The following FBXW8 variants were observed in gnomAD, a reference collection of about 807,000 sequenced individuals.
FBXW8 encodes the protein F-box and WD repeat domain containing 8, also known as F-box/WD repeat-containing protein 8.
Under a neutral mutation model 65.3 loss-of-function variants are expected in FBXW8, and 57 were observed. The observed-to-expected ratio is 0.87, with a 90% CI of 0.71 to 1.09. The LOEUF is 1.09. Ranked by LOEUF, FBXW8 falls within the 50% of genes least tolerant of loss-of-function variation. The pLI, the probability that FBXW8 is intolerant of heterozygous loss-of-function variation, is 0.00. For missense variants in FBXW8, 777 were observed against 814.8 expected, an observed-to-expected ratio of 0.95 and a Z score of 0.57; for synonymous variants, 308 against 330.2, an observed-to-expected ratio of 0.93 and a Z score of 0.73.
chr12:116,926,998 G>T (rs1881378036), intron 1 of FBXW8, among the ~76,000 whole-genome samples: 1 of 152,026 alleles, frequency 6.6e-6, no homozygotes, highest in Admixed American at 6.6e-5. Flanking sequence ...GTATTTGAGT[G>T]GTGAATTAAC....
chr12:117,012,235 T>C (rs915886153), intron 8 of FBXW8, among the ~76,000 whole-genome samples: 5 of 152,314 alleles, frequency 3.3e-5, no homozygotes, highest in Admixed American at 3.3e-4. Flanking sequence ...TCTGGTCAGT[T>C]TGCAGTCCAA....
chr12:116,914,145 C>T (rs1308403277), intron 1 of FBXW8, among the ~76,000 whole-genome samples: 1 of 152,094 alleles, frequency 6.6e-6, no homozygotes, highest in Non-Finnish European at 1.5e-5. Context: ...TGGTGGTGCA[C>T]CCCTTTAGTT....
chr12:117,003,746 C>G (rs2135700896), intron 7 of FBXW8, among the ~76,000 whole-genome samples: 1 of 152,252 alleles, frequency 6.6e-6, no homozygotes, highest in Non-Finnish European at 1.5e-5. Context: ...TTTTGCTCAG[C>G]CTTTGAGGAT....
At chr12:117,025,821 G>A (rs1241323289) in intron 9 of FBXW8, among the ~76,000 whole-genome samples, 1 of 152,184 alleles carries the variant, frequency 6.6e-6, no homozygotes, top group Non-Finnish European at 1.5e-5. Flanking sequence ...CCTCAGGGAT[G>A]GCTGCCAGCC....
intron 5 of FBXW8, among the ~76,000 whole-genome samples, chr12:116,982,014 A>C (rs932113931): frequency 6.6e-5 from 10 of 152,222 alleles, no homozygotes; most frequent in Admixed American, 1.3e-4. Flanking sequence ...AAAATAACAA[A>C]GAGTTTTGGC....
intron 8 of FBXW8, among the ~76,000 whole-genome samples, chr12:117,011,774 A>G (rs1184321082): frequency 6.6e-6 from 1 of 152,178 alleles, no homozygotes; most frequent in East Asian, 1.9e-4. Context: ...CAGTGTGAAC[A>G]TTTATATCTT....
chr12:116,966,732 TGAGACAG>T (rs1884350416), intron 5 of FBXW8, among the ~76,000 whole-genome samples: 1 of 152,102 alleles, frequency 6.6e-6, no homozygotes. Context: ...TTTTTTTTTT[TGAGACAG>T]GGTTTTGCTG....
chr12:116,916,460 T>C (rs1248118361), intron 1 of FBXW8, among the ~76,000 whole-genome samples: 1 of 152,234 alleles, frequency 6.6e-6, no homozygotes, highest in African/African-American at 2.4e-5. Flanking sequence ...ATGCCATGGC[T>C]GGGGTCAGGG....
intron 5 of FBXW8, among the ~76,000 whole-genome samples, chr12:116,968,725 GT>G (rs1884474536): frequency 6.6e-6 from 1 of 152,094 alleles, no homozygotes; most frequent in Admixed American, 6.5e-5. Flanking sequence ...AACAAAGTAT[GT>G]TTCCAGCTTT....
chr12:116,948,572 A>G (rs1373580622), intron 3 of FBXW8, among the ~76,000 whole-genome samples: 1 of 152,218 alleles, frequency 6.6e-6, no homozygotes, highest in Non-Finnish European at 1.5e-5. Flanking sequence ...CACTTGCTGT[A>G]TGTTAAGAAC....
chr12:117,027,985 G>T (rs756299709), intron 10 of FBXW8, 43 bp from the exon 11 acceptor site: 2 of 1,610,628 alleles, frequency 1.2e-6, no homozygotes, highest in South Asian at 2.2e-5. Flanking sequence ...GTGAGGGCCA[G>T]CGAGGCAGCC....
intron 8 of FBXW8, among the ~76,000 whole-genome samples, chr12:117,011,926 T>G (rs985948788): frequency 2.6e-5 from 4 of 152,242 alleles, no homozygotes; most frequent in African/African-American, 9.7e-5. Context: ...AGCCAAGTAC[T>G]ATGTTGAATC....
chr12:116,912,245 T>C (rs1880017306), intron 1 of FBXW8, among the ~76,000 whole-genome samples: 1 of 150,760 alleles, frequency 6.6e-6, no homozygotes, highest in South Asian at 2.1e-4. Context: ...TAGAGTGTAC[T>C]GTTGCTCTCC....
intron 4 of FBXW8, among the ~76,000 whole-genome samples, chr12:116,955,186 C>T (rs966898157): frequency 1.3e-5 from 2 of 152,180 alleles, no homozygotes; most frequent in African/African-American, 4.8e-5. Flanking sequence ...CCTCCGTGAG[C>T]GCCTTCTCTG....
At chr12:116,934,294 G>C (rs1882000825) in intron 2 of FBXW8, among the ~76,000 whole-genome samples, 1 of 151,964 alleles carries the variant, frequency 6.6e-6, no homozygotes, top group Non-Finnish European at 1.5e-5. Flanking sequence ...TTCAATAGTT[G>C]TCCCTCGAGG....
chr12:116,928,222 A>G, intron 2 of FBXW8, 95 bp downstream of exon 2: 1 of 829,050 alleles, frequency 1.2e-6, no homozygotes, highest in Non-Finnish European at 2.0e-6. Context: ...ACAGAATTAT[A>G]AACTTTGCAG....
intron 4 of FBXW8, among the ~76,000 whole-genome samples, chr12:116,962,343 A>C (rs1172748392): frequency 6.6e-6 from 1 of 152,216 alleles, no homozygotes; most frequent in Non-Finnish European, 1.5e-5. Flanking sequence ...CTGGTTCAGC[A>C]GCTAAAGTAC....
At chr12:116,989,207 T>C (rs933307952) in intron 7 of FBXW8, among the ~76,000 whole-genome samples, 2 of 152,192 alleles carry the variant, frequency 1.3e-5, no homozygotes, top group Non-Finnish European at 2.9e-5. Context: ...TACCCAACAT[T>C]TTTACTCCAT....
At chr12:116,989,994 C>T (rs549588837) in intron 7 of FBXW8, among the ~76,000 whole-genome samples, 2 of 152,328 alleles carry the variant, frequency 1.3e-5, no homozygotes, top group East Asian at 3.9e-4. Flanking sequence ...TTATTCCTCC[C>T]ACCCATAGTT....
Sources: allele counts gnomAD v4.1 joint callset (sites outside exome capture counted in the v4.1 genomes callset), GRCh38; gene constraint gnomAD v4.1.1; transcripts MANE v1.5; gene names NCBI Gene and HGNC (gene_info 2026-07-23, HGNC 2026-07-21).